Variants in FUT8 observed in about 807,000 individuals in gnomAD.
FUT8 encodes alpha-(1,6)-fucosyltransferase.
Under a neutral mutation model 71.3 loss-of-function variants are expected in FUT8, and 29 were observed. The observed-to-expected ratio is 0.41, with a 90% CI of 0.30 to 0.55. The LOEUF is 0.55. Among genes scored for constraint, FUT8 ranks in the 20% least tolerant of loss-of-function variants. The probability of loss-of-function intolerance (pLI) is 0.34; values close to 1 mark genes in which losing one functional copy is unlikely to be tolerated. For missense variants in FUT8, 544 were observed against 702.1 expected (o/e 0.77, Z 2.55); for synonymous variants, 254 against 239.3 (o/e 1.06, Z -0.57).
At chr14:65,653,055 C>T (rs1481111900) in intron 6 of FUT8, among the ~76,000 whole-genome samples, 1 of 152,070 alleles carries the variant, frequency 6.6e-6, no homozygotes, top group African/African-American at 2.4e-5. Flanking sequence ...GAATGTGTGT[C>T]CTTGATATAA....
At chr14:65,610,062 A>C (rs190407252) in intron 3 of FUT8, among the ~76,000 whole-genome samples, 1 of 151,998 alleles carries the variant, frequency 6.6e-6, no homozygotes. Context: ...ATAGAATTGA[A>C]TTTTGTATGT....
At chr14:65,372,360 T>C in the FUT8 span, among the ~76,000 whole-genome samples, 2 of 152,006 alleles carry the variant, frequency 1.3e-5, no homozygotes, top group Non-Finnish European at 2.9e-5. Flanking sequence ...ATTGAAAAAA[T>C]GATTTCTATA....
At chr14:65,544,363 A>T (rs1215472338) in intron 2 of FUT8, among the ~76,000 whole-genome samples, 1 of 152,148 alleles carries the variant, frequency 6.6e-6, no homozygotes, top group Admixed American at 6.6e-5. Flanking sequence ...TAGCAGGGTA[A>T]ACTGTCCATA....
intron 3 of FUT8, among the ~76,000 whole-genome samples, chr14:65,597,063 T>G (rs1392781549): frequency 6.6e-6 from 1 of 152,190 alleles, no homozygotes; most frequent in Non-Finnish European, 1.5e-5. Flanking sequence ...TTGGAACATT[T>G]AGTCCTCAAA....
intron 8 of FUT8, among the ~76,000 whole-genome samples, chr14:65,722,855 A>G (rs1895487288): frequency 6.6e-6 from 1 of 152,246 alleles, no homozygotes; most frequent in African/African-American, 2.4e-5. Context: ...GATTCATAAT[A>G]AAAAACTGGC....
chr14:65,379,681 T>C, the FUT8 span, among the ~76,000 whole-genome samples: 1 of 152,132 alleles, frequency 6.6e-6, no homozygotes, highest in Non-Finnish European at 1.5e-5. Context: ...TTATTTTGAG[T>C]CTGTTTTTTG....
chr14:65,648,117 A>G (rs912481196), intron 6 of FUT8, among the ~76,000 whole-genome samples: 3 of 152,266 alleles, frequency 2.0e-5, no homozygotes, highest in Middle Eastern at 3.4e-3. Flanking sequence ...GAGCATAACT[A>G]TGTTCATTTG....
the FUT8 span, among the ~76,000 whole-genome samples, chr14:65,377,908 A>G: frequency 1.3e-5 from 2 of 152,178 alleles, no homozygotes; most frequent in African/African-American, 2.4e-5. Flanking sequence ...AGAATAAGTG[A>G]CTTGAATTTA....
chr14:65,648,133 A>G (rs1891199200), intron 6 of FUT8, among the ~76,000 whole-genome samples: 1 of 152,222 alleles, frequency 6.6e-6, no homozygotes, highest in Non-Finnish European at 1.5e-5. Flanking sequence ...ATTTGTTTGT[A>G]TATCATCTAC....
chr14:65,405,921 G>A (rs752857125), upstream of FUT8, among the ~76,000 whole-genome samples: 11 of 152,220 alleles, frequency 7.2e-5, no homozygotes, highest in Non-Finnish European at 1.5e-4. Flanking sequence ...TGGGTCAGGT[G>A]TCCCCCTCTT....
chr14:65,628,431 G>A (rs746129242), intron 5 of FUT8, among the ~76,000 whole-genome samples: 3 of 152,220 alleles, frequency 2.0e-5, no homozygotes, highest in Non-Finnish European at 2.9e-5. Flanking sequence ...GTAGGCAATG[G>A]TGGAAGCAGG....
intron 2 of FUT8, among the ~76,000 whole-genome samples, chr14:65,527,882 A>G (rs773495645): frequency 1.3e-5 from 2 of 152,162 alleles, no homozygotes; most frequent in Non-Finnish European, 2.9e-5. Flanking sequence ...TGAACAGCAG[A>G]TGTTGCTGCC....
chr14:65,599,695 C>T (rs1888199332), intron 3 of FUT8, among the ~76,000 whole-genome samples: 1 of 152,208 alleles, frequency 6.6e-6, no homozygotes. Context: ...TGCTTCACTT[C>T]ATAAACTAGT....
At chr14:65,639,951 T>A (rs1351973953) in intron 6 of FUT8, among the ~76,000 whole-genome samples, 1 of 152,150 alleles carries the variant, frequency 6.6e-6, no homozygotes, top group Non-Finnish European at 1.5e-5. Flanking sequence ...AATAACCAGT[T>A]GTTGATCAAG....
At chr14:65,468,549 T>C (rs1351685574) in intron 2 of FUT8, among the ~76,000 whole-genome samples, 3 of 152,126 alleles carry the variant, frequency 2.0e-5, no homozygotes, top group African/African-American at 4.8e-5. Context: ...TTTCGAGATA[T>C]CTTATTGGTC....
chr14:65,561,694 C>T lies in FUT8; in HGVS notation c.131C>T (p.Ser44Phe), dbSNP rs368586417. The change falls in exon 3 of 11, where the codon TCC becomes TTC. Residue 44 changes from serine (S) to phenylalanine (F), a missense_variant. By Grantham distance (155) the Ser-to-Phe change is radical (BLOSUM62 -2). Coordinates refer to ENST00000673929, the MANE Select transcript of FUT8 (RefSeq NM_001371533.1). ...CCTGATCACTCTAGCCGAGAACTGT[C>T]CAAGATTCTGGCAAAGCTTGAACGC... ...DHPDHSSREL[S>F]KILAKLERLK... 15 of 1,613,520 alleles carry T rather than the reference C, an allele frequency of 9.3e-6. No individual in the cohort carries two copies. Among genetic ancestry groups the T allele is most frequent in the Non-Finnish European group, 1.3e-5 (15 of 1,179,618 alleles).
intron 9 of FUT8, among the ~76,000 whole-genome samples, chr14:65,730,362 T>G (rs921637922): frequency 1.3e-5 from 2 of 152,200 alleles, no homozygotes; most frequent in Non-Finnish European, 2.9e-5. Context: ...GGTATTGCAC[T>G]TCAGATTTCT....
chr14:65,478,967 C>T (rs1240222583), intron 2 of FUT8, among the ~76,000 whole-genome samples: 2 of 152,058 alleles, frequency 1.3e-5, no homozygotes, highest in Non-Finnish European at 2.9e-5. Flanking sequence ...GTGAAAATTC[C>T]CTGTTAGGCT....
intron 7 of FUT8, among the ~76,000 whole-genome samples, chr14:65,697,723 C>T (rs1398318928): frequency 6.6e-6 from 1 of 152,210 alleles, no homozygotes; most frequent in Non-Finnish European, 1.5e-5. Context: ...GCAGGTGGAT[C>T]ACCTGCGGTC....
Sources: gnomAD v4.1 joint callset for allele counts (sites outside exome capture counted in the v4.1 genomes callset) on GRCh38, gnomAD v4.1.1 for gene constraint, MANE v1.5 for transcripts, NCBI Gene and HGNC (gene_info 2026-07-23, HGNC 2026-07-21) for gene names.